The following TGFBR2 variants were observed in gnomAD, a reference collection of about 807,000 sequenced individuals.
TGFBR2 encodes the protein TGF-beta receptor type-2.
Under a neutral mutation model 49.0 loss-of-function variants are expected in TGFBR2, and 18 were observed. The ratio of observed to expected loss-of-function variants is 0.37; its 90% CI spans 0.25 to 0.54. TGFBR2 has a LOEUF of 0.54. Ranked by LOEUF, TGFBR2 falls within the 20% of genes least tolerant of loss-of-function variation. The pLI, the probability that TGFBR2 is intolerant of heterozygous loss-of-function variation, is 0.85. For synonymous variants in TGFBR2, 282 were observed against 275.9 expected (o/e 1.02, Z -0.22); for missense variants, 525 against 722.6 (o/e 0.73, Z 3.13).
chr3:30,662,996 C>G (rs1319132941), intron 3 of TGFBR2, among the ~76,000 whole-genome samples: 5 of 152,302 alleles, frequency 3.3e-5, no homozygotes, highest in Non-Finnish European at 5.9e-5. Context: ...TAAGACTCTG[C>G]ATTTCCAGTA....
chr3:30,620,677 C>T (rs1337554532), intron 1 of TGFBR2, among the ~76,000 whole-genome samples: 1 of 152,106 alleles, frequency 6.6e-6, no homozygotes, highest in Non-Finnish European at 1.5e-5. Context: ...TGCATTATGA[C>T]TATAGAGACC....
chr3:30,620,351 T>G lies in TGFBR2; in HGVS notation c.94+13374T>G, dbSNP rs181402171. Among the ~76,000 whole-genome samples, 821 of 152,278 alleles carry G rather than the reference T, an allele frequency of 5.4e-3. 6 individuals are homozygous for G. The highest frequency in any genetic ancestry group is 8.0e-3 in the Non-Finnish European group (541 of 68,014). ...CATTGCTTTTAAAGGCCGAGGAAAC[T>G]TGCTTTTAGATCCAAGGCGGGGAGT... is the stretch of plus-strand genomic sequence containing the variant. On this transcript the variant is annotated intron_variant, in intron 1 of 6. Coordinates refer to ENST00000295754, the MANE Select transcript of TGFBR2 (RefSeq NM_003242.6).
At chr3:30,657,013 G>C (rs1404464571) in intron 3 of TGFBR2, among the ~76,000 whole-genome samples, 1 of 152,006 alleles carries the variant, frequency 6.6e-6, no homozygotes, top group East Asian at 1.9e-4. Flanking sequence ...TTATGATGAA[G>C]TGAAACCCGT....
rs186745641 is a variant in TGFBR2, at chr3:30,640,909, C to T, written c.95-3838C>T. On this transcript the variant is annotated intron_variant, in intron 1 of 6. Transcript: ENST00000295754. ...CTATGCACATGTATGCACTTACTTT[C>T]CTTCCCATTCCTTTGGCTTTTTAAA... Among the ~76,000 whole-genome samples the T allele has an allele frequency of 4.5e-4, 68 of 152,300 alleles. 1 individual carries two copies. The highest frequency in any genetic ancestry group is 1.5e-3 in the African/African-American group (61 of 41,578).
intron 3 of TGFBR2, among the ~76,000 whole-genome samples, chr3:30,665,494 A>G (rs989396749): frequency 3.9e-5 from 6 of 152,208 alleles, no homozygotes; most frequent in Admixed American, 2.6e-4. Flanking sequence ...CACATCGTAT[A>G]TGAGTTATCT....
rs1430049543 is a variant in TGFBR2, at chr3:30,606,943, C to T, written c.60C>T (p.Ile20=). The T allele has an allele frequency of 6.2e-7, 1 of 1,602,902 alleles. No homozygotes were observed. ...WPLHIVLWTR[I]ASTIPPHVQK... is the part of the protein sequence containing the mutation. ...TGCACATCGTCCTGTGGACGCGTAT[C>T]GCCAGCACGATCCCACCGCACGTTC... The change falls in exon 1 of 7, where the codon ATC becomes ATT. Residue 20 remains isoleucine, a synonymous_variant. Coordinates refer to ENST00000295754, the MANE Select transcript of TGFBR2 (RefSeq NM_003242.6).
At chr3:30,654,611 T>A (rs1008955044) in intron 3 of TGFBR2, among the ~76,000 whole-genome samples, 1 of 152,126 alleles carries the variant, frequency 6.6e-6, no homozygotes, top group Non-Finnish European at 1.5e-5. Flanking sequence ...AACCAACATA[T>A]AAAATTCCAA....
intron 2 of TGFBR2, among the ~76,000 whole-genome samples, chr3:30,646,657 G>C (rs1698747022): frequency 6.6e-6 from 1 of 152,130 alleles, no homozygotes; most frequent in African/African-American, 2.4e-5. Context: ...TAAGCACCAA[G>C]TGAAGTTCAG....
At chr3:30,680,720 A>G (rs981448746) in intron 5 of TGFBR2, among the ~76,000 whole-genome samples, 1 of 152,202 alleles carries the variant, frequency 6.6e-6, no homozygotes, top group Non-Finnish European at 1.5e-5. Flanking sequence ...AATCTTTCAG[A>G]ATTGTTTGAA....
intron 1 of TGFBR2, among the ~76,000 whole-genome samples, chr3:30,631,673 G>C (rs1698440618): frequency 6.9e-6 from 1 of 144,526 alleles, no homozygotes; most frequent in East Asian, 2.1e-4. Flanking sequence ...CATGAAGGGG[G>C]AAGTTTCAAA....
At chr3:30,678,301 A>G (rs1026814277) in intron 5 of TGFBR2, among the ~76,000 whole-genome samples, 9 of 152,068 alleles carry the variant, frequency 5.9e-5, no homozygotes, top group Non-Finnish European at 8.8e-5. Context: ...TAATCCCAAC[A>G]CTTTGGGAAG....
intron 1 of TGFBR2, among the ~76,000 whole-genome samples, chr3:30,631,255 T>A (rs1316836037): frequency 6.6e-6 from 1 of 152,050 alleles, no homozygotes; most frequent in Non-Finnish European, 1.5e-5. Flanking sequence ...TTGGCCAGGA[T>A]GGTCTTGATT....
chr3:30,606,455 A>G (rs980184445), upstream of TGFBR2: 4 of 236,204 alleles, frequency 1.7e-5, no homozygotes, highest in African/African-American at 8.8e-5. Context: ...GGGCTGGTCT[A>G]GGAAACATGA....
In TGFBR2 at chr3:30,620,666, A is replaced by G. The variant is rs2125451279; in HGVS notation, c.94+13689A>G. On this transcript the variant is annotated intron_variant, in intron 1 of 6. Transcript: ENST00000295754. The stretch of plus-strand genomic sequence containing the variant: ...GTGTGAATCTTTTGCAGAAGGCTCA[A>G]TGCATTATGACTATAGAGACCAGGC... Among the ~76,000 whole-genome samples, 2 of 152,268 alleles carry G rather than the reference A, an allele frequency of 1.3e-5. 1 individual carries two copies. The highest frequency in any genetic ancestry group is 4.1e-4 in the South Asian group (2 of 4,826).
At chr3:30,609,563 C>T (rs914482658) in intron 1 of TGFBR2, among the ~76,000 whole-genome samples, 1 of 152,080 alleles carries the variant, frequency 6.6e-6, no homozygotes, top group African/African-American at 2.4e-5. Context: ...TTAATAGATT[C>T]ACTCTTCCTA....
chr3:30,630,786 C>T, intron 1 of TGFBR2, among the ~76,000 whole-genome samples: 1 of 152,120 alleles, frequency 6.6e-6, no homozygotes, highest in South Asian at 2.1e-4. Flanking sequence ...CTTCCATTTT[C>T]TGCTATGTGA....
At chr3:30,632,428 T>C (rs1014750339) in intron 1 of TGFBR2, among the ~76,000 whole-genome samples, 39 of 152,218 alleles carry the variant, frequency 2.6e-4, no homozygotes, top group African/African-American at 9.4e-4. Context: ...TGGTTCTAGA[T>C]CCTAAACACT....
At chr3:30,657,345 G>A (rs1324851737) in intron 3 of TGFBR2, among the ~76,000 whole-genome samples, 1 of 152,162 alleles carries the variant, frequency 6.6e-6, no homozygotes, top group Non-Finnish European at 1.5e-5. Context: ...ACCTCAGGCT[G>A]ACACTGTTTC....
At position 30,685,705 on chromosome 3, in the gene TGFBR2, A is replaced by G. The variant is rs1575164033; in HGVS notation, c.1397-2679A>G. The stretch of plus-strand genomic sequence containing the variant: ...CTCTGAGAGTAAGGCGGTCATGTCC[A>G]CGAATCTCTAGGATAGGCAACTCCC... On this transcript the variant is annotated intron_variant, in intron 5 of 6. Transcript: ENST00000295754. 7.2e-5 allele frequency among the ~76,000 whole-genome samples: 11 copies of G among 152,252 alleles called. 2 individuals are homozygous for G. Among genetic ancestry groups the G allele is most frequent in the Admixed American group, 7.2e-4 (11 of 15,290 alleles).
Sources: allele counts gnomAD v4.1 joint callset (sites outside exome capture counted in the v4.1 genomes callset), GRCh38; gene constraint gnomAD v4.1.1; transcripts MANE v1.5; gene names NCBI Gene and HGNC (gene_info 2026-07-23, HGNC 2026-07-21).